Variants in CPE observed in about 807,000 individuals in gnomAD.
The protein encoded by CPE is carboxypeptidase E.
CPE carries 17 observed loss-of-function variants against 53.5 expected under a neutral mutation model. That is an observed-to-expected ratio of 0.32 (90% CI 0.22 to 0.48). The LOEUF (loss-of-function observed/expected upper bound fraction) is 0.48, where lower values mean the gene tolerates loss of function less well. CPE is among the 20% of genes least tolerant of loss of function. The probability of loss-of-function intolerance (pLI) is 0.99; values close to 1 mark genes in which losing one functional copy is unlikely to be tolerated. For missense variants in CPE, 524 were observed against 614.7 expected (o/e 0.85, Z 1.56); for synonymous variants, 226 against 228.8 (o/e 0.99, Z 0.11).
chr4:165,467,513 A>C (rs1255501258), intron 2 of CPE, among the ~76,000 whole-genome samples, 175 bp from the exon 3 acceptor site: 1 of 152,188 alleles, frequency 6.6e-6, no homozygotes, highest in African/African-American at 2.4e-5. Flanking sequence ...AGTACTTTAA[A>C]TCTGATACCT....
intron 1 of CPE, among the ~76,000 whole-genome samples, chr4:165,429,020 A>T (rs1156295843): frequency 6.6e-6 from 1 of 152,164 alleles, no homozygotes; most frequent in African/African-American, 2.4e-5. Flanking sequence ...TCTTTCTGTT[A>T]ATCAATTGTG....
At chr4:165,401,052 A>ATT (rs59154389) in intron 1 of CPE, among the ~76,000 whole-genome samples, 5 of 149,800 alleles carry the variant, frequency 3.3e-5, no homozygotes, top group African/African-American at 4.9e-5. Flanking sequence ...ACCTTATTTG[A>ATT]TTTTTTTTTT....
chr4:165,450,643 G>C (rs989171048), intron 1 of CPE, among the ~76,000 whole-genome samples: 1 of 152,080 alleles, frequency 6.6e-6, no homozygotes, highest in African/African-American at 2.4e-5. Context: ...CAAGCAATAC[G>C]CTTTCCTGTC....
intron 1 of CPE, among the ~76,000 whole-genome samples, chr4:165,418,580 TAGA>T (rs1731161231): frequency 6.6e-6 from 1 of 152,208 alleles, no homozygotes; most frequent in South Asian, 2.1e-4. Flanking sequence ...TCCATTAGAA[TAGA>T]AGTTTTGTTT....
chr4:165,493,673 A>G lies in CPE; in HGVS notation c.1213+403A>G, dbSNP rs143296012. Among the ~76,000 whole-genome samples the G allele has an allele frequency of 1.4e-4, 21 of 152,360 alleles. No individual in the cohort carries two copies. In the East Asian group the frequency reaches 4.1e-3, roughly 29 times the overall value. ...GGGGAGACCGAAGGAGGGAGCGGAA[A>G]GAGGAGGAAGGAAGAAAACTGCTGC... On this transcript the variant is annotated intron_variant, in intron 7 of 8. Transcript: ENST00000402744.
At chr4:165,405,121 C>G (rs1730931640) in intron 1 of CPE, 1 of 752,492 alleles carries the variant, frequency 1.3e-6, no homozygotes, top group Admixed American at 1.8e-5. Context: ...TTAGAGCTTT[C>G]TTCTTTACTT....
At chr4:165,436,697 T>C (rs1731507884) in intron 1 of CPE, among the ~76,000 whole-genome samples, 1 of 152,222 alleles carries the variant, frequency 6.6e-6, no homozygotes, top group South Asian at 2.1e-4. Flanking sequence ...AGAGATGGGC[T>C]CTTGCTATAT....
chr4:165,492,751 G>T (rs1023727514), intron 6 of CPE, among the ~76,000 whole-genome samples: 1 of 152,156 alleles, frequency 6.6e-6, no homozygotes, highest in Non-Finnish European at 1.5e-5. Context: ...TAACATAACC[G>T]ATTAGGTCAG....
In CPE at chr4:165,471,513, G is replaced by C. The variant is rs113990758; in HGVS notation, c.672+3658G>C. Reference sequence around the variant, plus strand: ...CATTAGTCCTATCATACTTGGCCTGGTTATTTGCATAAAGCACAGCAAGAA... The same window carrying C: ...CATTAGTCCTATCATACTTGGCCTGCTTATTTGCATAAAGCACAGCAAGAA... On this transcript the variant is annotated intron_variant, in intron 3 of 8. Transcript: ENST00000402744. 6.0e-3 allele frequency among the ~76,000 whole-genome samples: 914 copies of C among 152,264 alleles called. 5 individuals carry two copies. The highest frequency in any genetic ancestry group is 0.021 in the African/African-American group (858 of 41,540).
intron 1 of CPE, among the ~76,000 whole-genome samples, chr4:165,444,948 C>CTTCTT (rs140712606): frequency 0.21 from 31,327 of 151,660 alleles, 3,844 homozygotes; most frequent in African/African-American, 0.35. Context: ...TCTCTTTCTT[C>CTTCTT]TTATTTTATT....
intron 1 of CPE, chr4:165,405,117 C>A: frequency 1.3e-6 from 1 of 750,352 alleles, no homozygotes; most frequent in Non-Finnish European, 2.4e-6. Flanking sequence ...GACGTTAGAG[C>A]TTTCTTCTTT....
intron 1 of CPE, among the ~76,000 whole-genome samples, chr4:165,397,441 T>A (rs1474946105): frequency 6.6e-6 from 1 of 152,208 alleles, no homozygotes; most frequent in Admixed American, 6.5e-5. Context: ...CATTCTTAAA[T>A]ACGCAATTCG....
intron 1 of CPE, among the ~76,000 whole-genome samples, chr4:165,448,821 G>A (rs577252859): frequency 9.8e-5 from 15 of 152,304 alleles, no homozygotes; most frequent in African/African-American, 3.4e-4. Context: ...CAGCATGGAA[G>A]AGGTAAACAC....
chr4:165,483,052 C>T (rs919221414), intron 4 of CPE, among the ~76,000 whole-genome samples: 12 of 150,532 alleles, frequency 8.0e-5, no homozygotes, highest in South Asian at 2.1e-4. Context: ...GTTTGTTACA[C>T]GGATATATTA....
chr4:165,495,641 A>T lies in CPE; in HGVS notation c.1296A>T (p.Thr432=). The T allele has an allele frequency of 1.2e-6, 2 of 1,613,978 alleles. No individual in the cohort carries two copies. Among genetic ancestry groups the T allele is most frequent in the Non-Finnish European group, 1.7e-6 (2 of 1,179,942 alleles). Residue 432 remains threonine, a synonymous_variant, in exon 8 of 9, where the codon ACA becomes ACT. Coordinates refer to ENST00000402744, the MANE Select transcript of CPE (RefSeq NM_001873.4). ...CAGCTCCAGGCTATCTGGCAATAAC[A>T]AAGAAAGTGGCAGTTCCTTACAGCC... ...TASAPGYLAI[T]KKVAVPYSPA... is the part of the protein sequence containing the mutation.
intron 1 of CPE, among the ~76,000 whole-genome samples, chr4:165,420,898 AAC>A (rs1731199814): frequency 6.6e-6 from 1 of 152,188 alleles, no homozygotes; most frequent in South Asian, 2.1e-4. Context: ...AGATTTTTAA[AAC>A]ACACATTTCT....
intron 1 of CPE, among the ~76,000 whole-genome samples, chr4:165,460,035 C>T (rs73860783): frequency 0.044 from 6,685 of 152,078 alleles, 454 homozygotes; most frequent in African/African-American, 0.15. Context: ...TCCCCCACCC[C>T]GTTGCTAGGA....
intron 1 of CPE, among the ~76,000 whole-genome samples, chr4:165,437,481 G>A (rs1300525503): frequency 1.3e-5 from 2 of 152,168 alleles, no homozygotes; most frequent in Admixed American, 1.3e-4. Context: ...GGGGATTAAA[G>A]TGAAACCCTT....
At chr4:165,456,349 T>A (rs536873353) in intron 1 of CPE, among the ~76,000 whole-genome samples, 17 of 152,184 alleles carry the variant, frequency 1.1e-4, no homozygotes, top group African/African-American at 4.1e-4. Flanking sequence ...TTACCGCCAC[T>A]CCCCCTAAGT....
Sources: allele counts gnomAD v4.1 joint callset (sites outside exome capture counted in the v4.1 genomes callset), GRCh38; gene constraint gnomAD v4.1.1; transcripts MANE v1.5; gene names NCBI Gene and HGNC (gene_info 2026-07-23, HGNC 2026-07-21).